Variants in SETDB1 observed in about 807,000 individuals in gnomAD.
SETDB1 encodes the protein histone-lysine N-methyltransferase SETDB1.
A neutral mutation model predicts 137.4 loss-of-function variants in SETDB1; 31 were observed. That is an observed-to-expected ratio of 0.23 (90% CI 0.17 to 0.30). The LOEUF (loss-of-function observed/expected upper bound fraction) is 0.30. Ranked by LOEUF, SETDB1 falls within the 10% of genes least tolerant of loss-of-function variation. The pLI is 1.00. For missense variants in SETDB1, 1,113 were observed against 1,631.5 expected, an observed-to-expected ratio of 0.68 and a Z score of 5.47; for synonymous variants, 548 against 579.9, an observed-to-expected ratio of 0.95 and a Z score of 0.79.
chr1:150,945,645 T>G (rs1364497574), intron 9 of SETDB1, among the ~76,000 whole-genome samples: 1 of 152,230 alleles, frequency 6.6e-6, no homozygotes, highest in African/African-American at 2.4e-5. Flanking sequence ...CAGAAGAAAT[T>G]AGAAGTTATA....
chr1:150,950,552 C>A lies in SETDB1; in HGVS notation c.1678C>A (p.Pro560Thr), dbSNP rs1670466531. The A allele has an allele frequency of 6.2e-7, 1 of 1,614,156 alleles. No individual in the cohort carries two copies. Among genetic ancestry groups the A allele is most frequent in the Non-Finnish European group, 8.5e-7 (1 of 1,180,022 alleles). The change falls in exon 13 of 22, where the codon CCA (proline) becomes ACA (threonine). Residue 560 changes from proline (P) to threonine (T), a missense_variant. By Grantham distance (38) the Pro-to-Thr change is conservative. Around this residue, in one of 11 missense-constraint regions of SETDB1, gnomAD observed 192 missense variants for 198.1 expected, o/e 0.97. Transcript: ENST00000692827. ...CTTCCATGGCATGCTGGAGCGGGCC[C>A]CAGCAGAGCCCTCCTACCGTGCTCC... is the stretch of plus-strand genomic sequence containing the variant. The part of the protein sequence containing the change: ...PVFHGMLERA[P>T]AEPSYRAPME...
chr1:150,951,028 T>C lies in SETDB1; in HGVS notation c.2154T>C (p.Val718=). The C allele has an allele frequency of 6.2e-7, 1 of 1,614,048 alleles. No homozygotes were observed. The highest frequency in any genetic ancestry group is 1.6e-4 in the Middle Eastern group (1 of 6,062). ...AGGAACGTATCCCGGGCAAGGGTGT[T>C]TTCATTAACACAGGCCCTGAATTTC... The part of the protein sequence containing the change: ...YSKERIPGKG[V]FINTGPEFLV... Residue 718 remains valine, a synonymous_variant, in exon 13 of 22, where the codon GTT becomes GTC. Coordinates refer to ENST00000692827, the MANE Select transcript of SETDB1 (RefSeq NM_001366418.1).
chr1:150,936,259 G>T (rs948622718), intron 3 of SETDB1, among the ~76,000 whole-genome samples: 2 of 152,156 alleles, frequency 1.3e-5, no homozygotes, highest in African/African-American at 4.8e-5. Context: ...AAAGTGCTGG[G>T]ATTACAGGCG....
chr1:150,961,331 C>A, intron 16 of SETDB1, 140 bp downstream of exon 16: 2 of 867,604 alleles, frequency 2.3e-6, no homozygotes, highest in Non-Finnish European at 3.6e-6. Flanking sequence ...CTCCCCCTAA[C>A]TAGCACATTC....
chr1:150,927,204 A>G (rs1016569703), intron 1 of SETDB1, among the ~76,000 whole-genome samples: 39 of 152,264 alleles, frequency 2.6e-4, no homozygotes, highest in African/African-American at 8.7e-4. Context: ...ATAGCTCACT[A>G]CAGCAGCTAC....
intron 14 of SETDB1, among the ~76,000 whole-genome samples, chr1:150,954,670 A>G (rs908168243): frequency 2.6e-5 from 4 of 152,262 alleles, no homozygotes; most frequent in Admixed American, 2.6e-4. Context: ...GCCTTCCCTG[A>G]AAGTAGCACT....
chr1:150,952,776 A>G (rs1670528752), intron 14 of SETDB1, among the ~76,000 whole-genome samples: 1 of 151,848 alleles, frequency 6.6e-6, no homozygotes, highest in Non-Finnish European at 1.5e-5. Context: ...AATCTCAGCT[A>G]CTCGGGAGGC....
chr1:150,959,880 T>C (rs1334770435), intron 15 of SETDB1, among the ~76,000 whole-genome samples: 1 of 152,114 alleles, frequency 6.6e-6, no homozygotes, highest in Non-Finnish European at 1.5e-5. Flanking sequence ...GAGACCAGCC[T>C]GGCCAACATA....
At chr1:150,930,157 A>C in intron 3 of SETDB1, 39 bp downstream of exon 3, 1 of 1,533,208 alleles carries the variant, frequency 6.5e-7, no homozygotes, top group Non-Finnish European at 8.9e-7. Context: ...CTCAGGACTG[A>C]AGTTGAAACA....
chr1:150,949,288 A>T lies in SETDB1; in HGVS notation c.1424+10A>T, dbSNP rs898467748. 6.2e-7 allele frequency: 1 copy of T among 1,612,732 alleles called. No homozygotes were observed. The highest frequency in any genetic ancestry group is 1.3e-5 in the African/African-American group (1 of 74,770). ...AAGCAGGTGACAGTGAGTGAGTGTTATTCTTTCTTTTTCTTCAGTTTCTTT... is the reference window on the plus strand; with the variant it reads ...AAGCAGGTGACAGTGAGTGAGTGTTTTTCTTTCTTTTTCTTCAGTTTCTTT... On this transcript the variant is annotated intron_variant, in intron 11 of 21. Coordinates refer to ENST00000692827, the MANE Select transcript of SETDB1 (RefSeq NM_001366418.1).
At position 150,953,657 on chromosome 1, in the gene SETDB1, C is replaced by T. The variant is rs587719255; in HGVS notation, c.2333+2176C>T. ...CAGCCTGGCCAACATGGTGAAACCC[C>T]ATCTGTAATAAAAATACAAAAATTA... is the stretch of plus-strand genomic sequence containing the variant. On this transcript the variant is annotated intron_variant, in intron 14 of 21. Transcript: ENST00000692827. Among the ~76,000 whole-genome samples, 49 of 152,026 alleles carry T rather than the reference C, an allele frequency of 3.2e-4. No homozygotes were observed. In the Middle Eastern group the frequency reaches 0.01, roughly 32 times the overall value.
Position 150,926,523 on chromosome 1 carries a change from G to A in SETDB1, c.-12+6G>A. 1 of 339,354 alleles carries A rather than the reference G, an allele frequency of 2.9e-6. No homozygotes were observed. The highest frequency in any genetic ancestry group is 5.7e-6 in the Non-Finnish European group (1 of 175,712). The allele number at this position is 339,354 out of a possible 1,614,324, so 21.0% of individuals were successfully genotyped here. A position where few individuals can be genotyped will look rare whatever the true frequency, so the allele number is the denominator to read the frequency against. On this transcript the variant is annotated splice_donor_region_variant and intron_variant, in intron 1 of 21. Coordinates refer to ENST00000692827, the MANE Select transcript of SETDB1 (RefSeq NM_001366418.1). ...TTGAAGCTGGAAGACGGGAGGTGCG[G>A]GGAATACTGTTGAGTTATTTGGTGA...
In SETDB1 at chr1:150,963,320, AT is replaced by A. The variant is rs1283935608; in HGVS notation, c.3460+188del. ...GTTTGACACATCCTCTCTCATTTCC[AT>A]TTTTTTACTCTTTCCCCTCAGCTCC... is the stretch of plus-strand genomic sequence containing the variant. On this transcript the variant is annotated intron_variant, in intron 19 of 21. Coordinates refer to ENST00000692827, the MANE Select transcript of SETDB1 (RefSeq NM_001366418.1). The A allele has an allele frequency of 1.6e-5, 12 of 728,778 alleles. No individual in the cohort carries two copies. The South Asian group carries it at 1.9e-4, about 12-fold the overall frequency. 45.1% of individuals were successfully genotyped at this position (728,778 alleles called of 1,614,324 possible).
chr1:150,931,319 C>T (rs963898863), intron 3 of SETDB1, among the ~76,000 whole-genome samples: 5 of 147,556 alleles, frequency 3.4e-5, no homozygotes, highest in African/African-American at 1.2e-4. Flanking sequence ...GGCGTGGTGG[C>T]TCACGCCTGT....
intron 14 of SETDB1, among the ~76,000 whole-genome samples, chr1:150,954,431 C>T (rs1354705400): frequency 6.6e-6 from 1 of 152,120 alleles, no homozygotes; most frequent in African/African-American, 2.4e-5. Flanking sequence ...ATTAACAGAA[C>T]AGAGGAGAAA....
At chr1:150,951,814 A>G (rs1203861047) in intron 14 of SETDB1, among the ~76,000 whole-genome samples, 1 of 152,184 alleles carries the variant, frequency 6.6e-6, no homozygotes, top group Non-Finnish European at 1.5e-5. Context: ...AGAAGTAGGC[A>G]GGGACCTGAT....
intron 1 of SETDB1, among the ~76,000 whole-genome samples, chr1:150,927,388 A>T (rs587720708): frequency 1.3e-5 from 2 of 152,300 alleles, no homozygotes; most frequent in Admixed American, 6.5e-5. Flanking sequence ...GGCCTCTAAA[A>T]GTGCTGAGAT....
Position 150,962,636 on chromosome 1 carries a change from C to T in SETDB1, c.3211C>T (p.Pro1071Ser). Residue 1071 changes from proline (P) to serine (S), a missense_variant, in exon 18 of 22, where the codon CCT becomes TCT. Physicochemically the swap from Pro to Ser is moderately conservative, Grantham distance 74. Around this residue, in one of 11 missense-constraint regions of SETDB1, gnomAD observed 373 missense variants for 412.7 expected, o/e 0.90. Coordinates refer to ENST00000692827, the MANE Select transcript of SETDB1 (RefSeq NM_001366418.1). ...NYGYNPSPVK[P>S]EGLRRPPSKT... ...CGGTTACAATCCTTCTCCTGTGAAG[C>T]CTGAAGGACTTCGCCGCCCACCTAG... 6.2e-7 allele frequency: 1 copy of T among 1,613,158 alleles called. No homozygotes were observed. Among genetic ancestry groups the T allele is most frequent in the Non-Finnish European group, 8.5e-7 (1 of 1,179,124 alleles).
intron 14 of SETDB1, among the ~76,000 whole-genome samples, chr1:150,958,424 T>A (rs587723992): frequency 1.5e-3 from 234 of 151,746 alleles, no homozygotes; most frequent in African/African-American, 5.4e-3. Context: ...GCTAATTTTT[T>A]AATTTTTATT....
Sources: gnomAD v4.1 joint callset for allele counts (sites outside exome capture counted in the v4.1 genomes callset) on GRCh38, gnomAD v4.1.1 for gene constraint, gnomAD v4.1.1 regional missense constraint, MANE v1.5 for transcripts, NCBI Gene and HGNC (gene_info 2026-07-23, HGNC 2026-07-21) for gene names.